PLEKHG1: variants seen among roughly 807,000 people sequenced by gnomAD.
PLEKHG1 encodes the protein pleckstrin homology domain-containing family G member 1.
Under a neutral mutation model 100.8 loss-of-function variants are expected in PLEKHG1, and 44 were observed. That is an observed-to-expected ratio of 0.44 (90% CI 0.34 to 0.56). PLEKHG1 has a LOEUF of 0.56. Ranked by LOEUF, PLEKHG1 falls within the 20% of genes least tolerant of loss-of-function variation. The probability of loss-of-function intolerance (pLI) is 0.01; values close to 1 mark genes in which losing one functional copy is unlikely to be tolerated. For missense variants in PLEKHG1, 1,545 were observed against 1,720.9 expected, an observed-to-expected ratio of 0.90 and a Z score of 1.81; for synonymous variants, 640 against 662.5, an observed-to-expected ratio of 0.97 and a Z score of 0.52.
intron 4 of PLEKHG1, 39 bp downstream of exon 5, chr6:150,786,498 T>C (rs774536392): frequency 2.3e-6 from 3 of 1,283,714 alleles, no homozygotes; most frequent in African/African-American, 1.5e-5. Context: ...CTGAGACAGA[T>C]ACAGAGTACA....
intron 10 of PLEKHG1, among the ~76,000 whole-genome samples, chr6:150,816,556 C>T (rs1228591432): frequency 1.3e-5 from 2 of 151,756 alleles, no homozygotes; most frequent in African/African-American, 4.8e-5. Context: ...GAACTCCTGA[C>T]CTCGTGATCT....
At chr6:150,744,809 A>C (rs1045306776) in intron 2 of PLEKHG1, among the ~76,000 whole-genome samples, 1 of 152,198 alleles carries the variant, frequency 6.6e-6, no homozygotes, top group Non-Finnish European at 1.5e-5. Context: ...AGCTGGGACA[A>C]ATAGTTGAGT....
chr6:150,759,228 A>C (rs1784023027), intron 2 of PLEKHG1, among the ~76,000 whole-genome samples: 1 of 152,194 alleles, frequency 6.6e-6, no homozygotes, highest in African/African-American at 2.4e-5. Flanking sequence ...GCTTGGCTGA[A>C]GGAAAACATG....
intron 1 of PLEKHG1, among the ~76,000 whole-genome samples, chr6:150,626,855 C>T (rs1023116620): frequency 6.6e-6 from 1 of 151,944 alleles, no homozygotes. Context: ...GTATTTTTAC[C>T]CCCATTGTAG....
chr6:150,636,110 T>C (rs550553660), intron 1 of PLEKHG1, among the ~76,000 whole-genome samples: 1 of 152,310 alleles, frequency 6.6e-6, no homozygotes, highest in Non-Finnish European at 1.5e-5. Context: ...GGAGTCAGCA[T>C]ACCTAAGACT....
intron 2 of PLEKHG1, among the ~76,000 whole-genome samples, chr6:150,746,074 G>A (rs575286455): frequency 2.3e-4 from 35 of 152,282 alleles, no homozygotes; most frequent in Admixed American, 2.2e-3. Context: ...GCCACGGGCT[G>A]GGAGTTGACA....
chr6:150,824,651 A>C (rs1051111532), intron 14 of PLEKHG1, among the ~76,000 whole-genome samples: 2 of 151,474 alleles, frequency 1.3e-5, no homozygotes, highest in South Asian at 2.1e-4. Context: ...CCTCCCAAGT[A>C]GCCTAGTAGC....
At chr6:150,826,870 C>A (rs1051725236) in intron 14 of PLEKHG1, among the ~76,000 whole-genome samples, 8 of 152,120 alleles carry the variant, frequency 5.3e-5, no homozygotes, top group Non-Finnish European at 4.4e-5. Context: ...AACTCCTTAA[C>A]TCAAGTGATC....
At position 150,810,293 on chromosome 6, in the gene PLEKHG1, A is replaced by G. The variant is rs865883108; in HGVS notation, c.1278+559A>G. Among the ~76,000 whole-genome samples the G allele has an allele frequency of 1.6e-4, 24 of 148,110 alleles. 1 individual carries two copies. In the South Asian group the frequency reaches 3.2e-3, roughly 20 times the overall value. ...CCAGCCTGGGTGACAGGGTCCAGAC[A>G]GGGTCTCACTCTGTCACCCAGGCTG... On this transcript the variant is annotated intron_variant, in intron 10 of 15. Transcript: ENST00000358517.
At position 150,631,981 on chromosome 6, in the gene PLEKHG1, T is replaced by A. The variant is rs540303922; in HGVS notation, c.-203-6099T>A. 3.9e-5 allele frequency among the ~76,000 whole-genome samples: 6 copies of A among 152,326 alleles called. No individual in the cohort carries two copies. The South Asian group carries it at 1.2e-3, about 32-fold the overall frequency. ...TGCCACCAACCTGTCCACCAGAGCT[T>A]CTAGGCTTTCTGGCCTTCTGAGAGA... On this transcript the variant is annotated intron_variant, in intron 1 of 3. Coordinates refer to the PLEKHG1 transcript ENST00000367326.
At chr6:150,722,349 CTTTTTTTT>C (rs139069069) in intron 1 of PLEKHG1, among the ~76,000 whole-genome samples, 9 of 90,680 alleles carry the variant, frequency 9.9e-5, no homozygotes, top group African/African-American at 3.4e-4. Flanking sequence ...TTTTTCTTTT[CTTTTTTTT>C]TTTTTTTTTT....
chr6:150,670,187 A>G (rs1189403774), intron 3 of PLEKHG1, among the ~76,000 whole-genome samples: 1 of 152,234 alleles, frequency 6.6e-6, no homozygotes, highest in Admixed American at 6.5e-5. Flanking sequence ...TTCAAAGTAA[A>G]TAAACAATGA....
At chr6:150,739,823 G>A (rs1363127954) in intron 2 of PLEKHG1, among the ~76,000 whole-genome samples, 1 of 152,120 alleles carries the variant, frequency 6.6e-6, no homozygotes, top group Non-Finnish European at 1.5e-5. Context: ...CCAACCCCAA[G>A]CTCTGTGTTC....
intron 2 of PLEKHG1, among the ~76,000 whole-genome samples, chr6:150,739,679 A>G (rs929718302): frequency 1.3e-5 from 2 of 152,112 alleles, no homozygotes; most frequent in Non-Finnish European, 1.5e-5. Flanking sequence ...AAAAAAAACA[A>G]AAAAACAAAA....
chr6:150,832,372 T>A (rs1776996668), intron 15 of PLEKHG1, among the ~76,000 whole-genome samples, 167 bp downstream of exon 16: 1 of 152,180 alleles, frequency 6.6e-6, no homozygotes, highest in Non-Finnish European at 1.5e-5. Flanking sequence ...TCACATCGCC[T>A]CCTGTGAATT....
chr6:150,686,628 T>C (rs1331667449), intron 3 of PLEKHG1: 3 of 152,218 alleles, frequency 2.0e-5, no homozygotes, highest in Non-Finnish European at 4.4e-5. Context: ...TATTCTTCAT[T>C]TTTATGTTTC....
At chr6:150,670,495 T>TACCA (rs1368012688) in intron 3 of PLEKHG1, among the ~76,000 whole-genome samples, 2 of 152,252 alleles carry the variant, frequency 1.3e-5, no homozygotes, top group African/African-American at 2.4e-5. Context: ...CAGCATGCGC[T>TACCA]ACCAGTACCA....
intron 3 of PLEKHG1, among the ~76,000 whole-genome samples, chr6:150,694,754 T>C (rs1404985464): frequency 6.6e-6 from 1 of 151,978 alleles, no homozygotes; most frequent in Non-Finnish European, 1.5e-5. Context: ...TAGTAAGTAC[T>C]CAAAAAATGT....
rs199958691 is a variant in PLEKHG1 at position 150,809,206 on chromosome 6, G to A, written c.1014G>A (p.Glu338=). 5.6e-6 allele frequency: 9 copies of A among 1,613,534 alleles called. No homozygotes were observed. In the East Asian group the frequency reaches 1.3e-4, roughly 24 times the overall value. ...TCCGCATCCAGCGAGCCAAGAATGAGCGGACGCTCTTCCTCTTCGACAAGC... is the reference window on the plus strand; with the variant it reads ...TCCGCATCCAGCGAGCCAAGAATGAACGGACGCTCTTCCTCTTCGACAAGC... Residue 338 remains glutamate (E), a synonymous_variant, in exon 8 of 16, where the codon GAG becomes GAA. Transcript: ENST00000358517.
Sources: gnomAD v4.1 joint callset for allele counts (sites outside exome capture counted in the v4.1 genomes callset) on GRCh38, gnomAD v4.1.1 for gene constraint, MANE v1.5 for transcripts, NCBI Gene and HGNC (gene_info 2026-07-23, HGNC 2026-07-21) for gene names.